PFKP: variants seen among roughly 807,000 people sequenced by gnomAD.
PFKP encodes the protein phosphofructokinase, platelet.
A neutral mutation model predicts 94.3 loss-of-function variants in PFKP; 101 were observed. The ratio of observed to expected loss-of-function variants is 1.07; its 90% CI spans 0.91 to 1.26. PFKP has a LOEUF of 1.26. Among genes scored for constraint, PFKP ranks in the 50% most tolerant of loss-of-function variants. The pLI, the probability that PFKP is intolerant of heterozygous loss-of-function variation, is 0.00. For missense variants in PFKP, 1,145 were observed against 1,103.3 expected, an observed-to-expected ratio of 1.04 and a Z score of -0.53; for synonymous variants, 573 against 432.6, an observed-to-expected ratio of 1.32 and a Z score of -4.03.
chr10:3,119,297 C>T (rs551183933), intron 15 of PFKP, among the ~76,000 whole-genome samples: 1 of 152,264 alleles, frequency 6.6e-6, no homozygotes, highest in African/African-American at 2.4e-5. Flanking sequence ...GTAACCTTTC[C>T]ATTTACTTTT....
chr10:3,119,781 C>CGTATATTTAAA, intron 15 of PFKP, 111 bp from the exon 16 acceptor site: 1 of 709,490 alleles, frequency 1.4e-6, no homozygotes, highest in Non-Finnish European at 2.2e-6. Flanking sequence ...CGTGATGCCC[C>CGTATATTTAAA]AGTGTGCTCC....
chr10:3,098,672 CA>C (rs5782682), intron 2 of PFKP, among the ~76,000 whole-genome samples: 36,219 of 106,926 alleles, frequency 0.34, 5,237 homozygotes, highest in Middle Eastern at 0.44. Context: ...GACTCCGTCT[CA>C]AAAAAAAAAA....
chr10:3,134,548 G>T lies in PFKP; in HGVS notation c.2088G>T (p.Trp696Cys). Residue 696 changes from tryptophan (W) to cysteine (C), a missense_variant, in exon 20 of 22, where the codon TGG becomes TGT. Physicochemically the swap from Trp to Cys is radical, Grantham distance 215 (BLOSUM62 -2). Around this residue, in one of 3 missense-constraint regions of PFKP, gnomAD observed 1,119 missense variants for 1,062.8 expected, o/e 1.05. Coordinates refer to ENST00000381125, the MANE Select transcript of PFKP (RefSeq NM_002627.5). ...GTKISARAMEWITAKLKEARG... is the reference protein window; with the variant it reads ...GTKISARAMECITAKLKEARG... Reference sequence around the variant, plus strand: ...AAATCTCTGCCAGAGCTATGGAGTGGATCACTGCAAAACTCAAGGAGGCCC... The same window carrying T: ...AAATCTCTGCCAGAGCTATGGAGTGTATCACTGCAAAACTCAAGGAGGCCC... 1.2e-6 allele frequency: 2 copies of T among 1,613,944 alleles called. No individual in the cohort carries two copies. Among genetic ancestry groups the T allele is most frequent in the Non-Finnish European group, 1.7e-6 (2 of 1,179,870 alleles).
intron 6 of PFKP, 54 bp from the exon 7 acceptor site, chr10:3,105,339 C>T: frequency 2.0e-6 from 3 of 1,483,260 alleles, no homozygotes; most frequent in African/African-American, 1.4e-5. Context: ...GCCTGGGCTG[C>T]CCTCGTGGGA....
intron 4 of PFKP, among the ~76,000 whole-genome samples, chr10:3,102,250 CA>C (rs757381364): frequency 0.044 from 2,413 of 54,558 alleles, 17 homozygotes; most frequent in East Asian, 0.11. Context: ...GACTCTGTCT[CA>C]AAAAAAAAAA....
chr10:3,078,225 C>T (rs531779580), intron 1 of PFKP, among the ~76,000 whole-genome samples: 13 of 152,314 alleles, frequency 8.5e-5, no homozygotes, highest in East Asian at 3.9e-4. Flanking sequence ...GCCCACGTTG[C>T]GGGCTGTGAA....
intron 14 of PFKP, among the ~76,000 whole-genome samples, chr10:3,117,314 C>CT (rs144137485): frequency 8.0e-4 from 122 of 152,284 alleles, no homozygotes; most frequent in African/African-American, 2.9e-3. Flanking sequence ...CTAAAAATCT[C>CT]TTTTTCAGAC....
At chr10:3,076,346 C>G (rs572677392) in intron 1 of PFKP, among the ~76,000 whole-genome samples, 13 of 152,146 alleles carry the variant, frequency 8.5e-5, no homozygotes, top group African/African-American at 2.9e-4. Context: ...GTCCCAGCCA[C>G]GCAGAGGACC....
intron 17 of PFKP, among the ~76,000 whole-genome samples, chr10:3,131,129 G>A (rs1047189404): frequency 9.2e-5 from 14 of 151,926 alleles, no homozygotes; most frequent in Non-Finnish European, 1.9e-4. Context: ...ATAAAAAGAT[G>A]TTTTTTATCA....
chr10:3,103,755 A>G, intron 4 of PFKP, 24 bp from the exon 5 acceptor site: 2 of 1,613,034 alleles, frequency 1.2e-6, no homozygotes, highest in Non-Finnish European at 8.5e-7. Flanking sequence ...CGGCGATGAG[A>G]CGTGCTGTTT....
chr10:3,135,376 CTTTTGCTAA>C (rs1839130579), intron 20 of PFKP, among the ~76,000 whole-genome samples: 1 of 152,004 alleles, frequency 6.6e-6, no homozygotes, highest in South Asian at 2.1e-4. Flanking sequence ...CAGCGATTTT[CTTTTGCTAA>C]TTTAGCTATG....
Position 3,133,206 on chromosome 10 carries a change from T to C in PFKP, c.1914T>C (p.Asn638=), listed in dbSNP as rs750924815. ...GACTCCTTCTCGCTCGTTTCAGAAA[T>C]GAGAGCTGCAGTGAAAACTACACCA... ...TTIQRGLVLR[N]ESCSENYTTD... The change falls in exon 19 of 22, where the codon AAT becomes AAC. Residue 638 remains asparagine (N), a synonymous_variant. Transcript: ENST00000381125. 1.9e-5 allele frequency: 30 copies of C among 1,612,008 alleles called. No individual in the cohort carries two copies. In the South Asian group the frequency reaches 2.3e-4, roughly 12 times the overall value.
At chr10:3,100,978 G>A (rs777210765) in intron 3 of PFKP, 1 of 1,611,928 alleles carries the variant, frequency 6.2e-7, no homozygotes, top group Non-Finnish European at 8.5e-7. Context: ...CGCTTCCCTT[G>A]TCCTGGCCGG....
At position 3,108,966 on chromosome 10, in the gene PFKP, C is replaced by T. The variant is rs897264186; in HGVS notation, c.963+173C>T. Among the ~76,000 whole-genome samples, 8 of 152,240 alleles carry T rather than the reference C, an allele frequency of 5.3e-5. 1 individual carries two copies. In the South Asian group the frequency reaches 1.2e-3, roughly 24 times the overall value. On this transcript the variant is annotated intron_variant, in intron 9 of 21. Coordinates refer to ENST00000381125, the MANE Select transcript of PFKP (RefSeq NM_002627.5). The stretch of plus-strand genomic sequence containing the variant: ...CCTTTGGTGTAGACCAGTCTCTAGG[C>T]CTGCAGCCATTCAGATGCGGGGAGA...
At chr10:3,127,650 T>C (rs1025095221) in intron 16 of PFKP, among the ~76,000 whole-genome samples, 1 of 152,218 alleles carries the variant, frequency 6.6e-6, no homozygotes, top group African/African-American at 2.4e-5. Context: ...AATTCTGCAC[T>C]GGCCCTTCAA....
chr10:3,136,727 C>T lies in PFKP; in HGVS notation c.*148C>T. On this transcript the variant is annotated 3_prime_UTR_variant, in exon 22 of 22. Transcript: ENST00000381125. ...TCTGCCCCACCTGCTCCAGTGCGTG[C>T]TGTCTGTGGAGTGTGTCTCATGCTT... 4 of 705,172 alleles carry T rather than the reference C, an allele frequency of 5.7e-6. No individual in the cohort carries two copies. Among genetic ancestry groups the T allele is most frequent in the South Asian group, 5.3e-5 (3 of 56,678 alleles). 43.7% of individuals were successfully genotyped at this position (705,172 alleles called of 1,614,324 possible). A position where few individuals can be genotyped will look rare whatever the true frequency, so the allele number is the denominator to read the frequency against.
At position 3,113,507 on chromosome 10, in the gene PFKP, G is replaced by T. The variant is rs746881107; in HGVS notation, c.1360G>T (p.Ala454Ser). 9.3e-6 allele frequency: 15 copies of T among 1,612,408 alleles called. No homozygotes were observed. Among genetic ancestry groups the T allele is most frequent in the Non-Finnish European group, 7.6e-6 (9 of 1,179,904 alleles). ...CATCTATGATGGCTTTGACGGCTTC[G>T]CCAAGGGCCAGGTGAGTCACCCAGG... ...LAIYDGFDGF[A>S]KGQIKEIGWT... Residue 454 changes from alanine to serine, a missense_variant, in exon 13 of 22, where the codon GCC (alanine) becomes TCC (serine). Coordinates refer to ENST00000381125, the MANE Select transcript of PFKP (RefSeq NM_002627.5).
chr10:3,129,802 CGCT>C lies in PFKP; in HGVS notation c.1684-16_1684-14del, dbSNP rs1564352319. 2 of 1,612,720 alleles carry C rather than the reference CGCT, an allele frequency of 1.2e-6. No homozygotes were observed. Among genetic ancestry groups the C allele is most frequent in the East Asian group, 2.2e-5 (1 of 44,850 alleles). ...CCGGGCCTGGGCTGGAGTGACTGAT[CGCT>C]TCTCTGTGACCAGACCTGCGACCGC... On this transcript the variant is annotated splice_polypyrimidine_tract_variant and intron_variant, in intron 16 of 21. Coordinates refer to ENST00000381125, the MANE Select transcript of PFKP (RefSeq NM_002627.5).
chr10:3,112,234 C>G lies in PFKP; in HGVS notation c.1102C>G (p.Gln368Glu). 1 of 1,613,236 alleles carries G rather than the reference C, an allele frequency of 6.2e-7. No homozygotes were observed. The highest frequency in any genetic ancestry group is 8.5e-7 in the Non-Finnish European group (1 of 1,179,202). ...ATTGTTTTAAAAGACTCAGGATGTG[C>G]AGAAGGCGATGGACGAGAGGAGATT... is the stretch of plus-strand genomic sequence containing the variant. ...MECVQMTQDV[Q>E]KAMDERRFQD... is the part of the protein sequence containing the mutation. The change falls in exon 11 of 22, where the codon CAG becomes GAG. Residue 368 changes from glutamine (Q) to glutamate (E), a missense_variant. Around this residue, in one of 3 missense-constraint regions of PFKP, gnomAD observed 1,119 missense variants for 1,062.8 expected, o/e 1.05. Coordinates refer to ENST00000381125, the MANE Select transcript of PFKP (RefSeq NM_002627.5).
Sources: gnomAD v4.1 joint callset for allele counts (sites outside exome capture counted in the v4.1 genomes callset) on GRCh38, gnomAD v4.1.1 for gene constraint, gnomAD v4.1.1 regional missense constraint, MANE v1.5 for transcripts, NCBI Gene and HGNC (gene_info 2026-07-23, HGNC 2026-07-21) for gene names.